The following PTPRT variants were observed in gnomAD, a reference collection of about 807,000 sequenced individuals.
The protein encoded by PTPRT is protein tyrosine phosphatase receptor type T, also known as receptor-type tyrosine-protein phosphatase T.
PTPRT carries 56 observed loss-of-function variants against 176.8 expected under a neutral mutation model. The observed-to-expected ratio is 0.32, with a 90% CI of 0.26 to 0.40. The LOEUF (loss-of-function observed/expected upper bound fraction) is 0.40, where lower values mean the gene tolerates loss of function less well. Among genes scored for constraint, PTPRT ranks in the 10% least tolerant of loss-of-function variants. The probability of loss-of-function intolerance (pLI) is 1.00; values close to 1 mark genes in which losing one functional copy is unlikely to be tolerated. For missense variants in PTPRT, 1,540 were observed against 1,908.2 expected (o/e 0.81, Z 3.60); for synonymous variants, 783 against 739.0 (o/e 1.06, Z -0.96).
At chr20:43,006,091 T>C (rs1223290599) in intron 1 of PTPRT, among the ~76,000 whole-genome samples, 1 of 152,208 alleles carries the variant, frequency 6.6e-6, no homozygotes, top group Non-Finnish European at 1.5e-5. Flanking sequence ...GAAGCATATA[T>C]TACAAAATGA....
chr20:42,239,023 A>G (rs1407855878), intron 14 of PTPRT, among the ~76,000 whole-genome samples: 1 of 152,226 alleles, frequency 6.6e-6, no homozygotes. Context: ...TGTAAATTCC[A>G]TTAATCTAAA....
intron 6 of PTPRT, among the ~76,000 whole-genome samples, chr20:42,748,212 C>T (rs1414476441): frequency 6.6e-6 from 1 of 152,138 alleles, no homozygotes; most frequent in Non-Finnish European, 1.5e-5. Flanking sequence ...GAAAGTCTGC[C>T]AACCTTGTCG....
intron 7 of PTPRT, among the ~76,000 whole-genome samples, chr20:42,587,373 G>A (rs894473959): frequency 1.1e-4 from 17 of 152,228 alleles, no homozygotes; most frequent in African/African-American, 3.9e-4. Context: ...CGAAAGGTAT[G>A]AGCCCTTTAT....
At chr20:42,798,642 C>CA (rs199727863) in intron 2 of PTPRT, among the ~76,000 whole-genome samples, 18 of 151,420 alleles carry the variant, frequency 1.2e-4, no homozygotes, top group African/African-American at 3.6e-4. Context: ...CTATTTAAAA[C>CA]AAAAAAAAGA....
chr20:42,900,784 T>A (rs866435461), intron 1 of PTPRT, among the ~76,000 whole-genome samples: 3 of 152,252 alleles, frequency 2.0e-5, no homozygotes, highest in African/African-American at 2.4e-5. Context: ...AAACCCCTCG[T>A]GGCCTTTGGA....
At chr20:42,743,768 T>C (rs1320336448) in intron 6 of PTPRT, among the ~76,000 whole-genome samples, 1 of 152,224 alleles carries the variant, frequency 6.6e-6, no homozygotes, top group Non-Finnish European at 1.5e-5. Context: ...ATACTGAACC[T>C]CATCGATTAC....
intron 9 of PTPRT, among the ~76,000 whole-genome samples, chr20:42,414,403 G>A (rs2059045889): frequency 6.6e-6 from 1 of 152,156 alleles, no homozygotes; most frequent in Non-Finnish European, 1.5e-5. Context: ...CCAGATATAA[G>A]TGCCAAAGCA....
At chr20:42,238,743 G>C (rs2056294061) in intron 14 of PTPRT, among the ~76,000 whole-genome samples, 1 of 152,142 alleles carries the variant, frequency 6.6e-6, no homozygotes, top group South Asian at 2.1e-4. Flanking sequence ...TCTATTTCCT[G>C]ATCCATGCAC....
At chr20:42,901,893 G>T (rs1450792357) in intron 1 of PTPRT, among the ~76,000 whole-genome samples, 1 of 152,206 alleles carries the variant, frequency 6.6e-6, no homozygotes, top group Non-Finnish European at 1.5e-5. Flanking sequence ...TTGAAACACA[G>T]CCATGTTTAT....
intron 14 of PTPRT, among the ~76,000 whole-genome samples, chr20:42,240,468 C>T (rs890024587): frequency 2.0e-5 from 3 of 152,192 alleles, no homozygotes; most frequent in African/African-American, 7.2e-5. Context: ...CAAAACAAAA[C>T]AATAACCCCA....
chr20:42,942,379 C>A (rs921427187), intron 1 of PTPRT, among the ~76,000 whole-genome samples: 4 of 152,214 alleles, frequency 2.6e-5, no homozygotes, highest in Non-Finnish European at 4.4e-5. Flanking sequence ...TATTTCTAGA[C>A]AGGATATGCA....
intron 6 of PTPRT, among the ~76,000 whole-genome samples, chr20:42,686,641 C>T (rs553523413): frequency 5.9e-5 from 9 of 151,858 alleles, no homozygotes; most frequent in East Asian, 1.9e-4. Flanking sequence ...TACAGGCATG[C>T]GCCACCATGC....
chr20:42,262,069 C>T (rs561778272), intron 13 of PTPRT, among the ~76,000 whole-genome samples: 32 of 152,252 alleles, frequency 2.1e-4, no homozygotes, highest in Non-Finnish European at 4.1e-4. Flanking sequence ...ACCCGTGCAA[C>T]GGTAATAAAA....
At chr20:43,041,220 C>G (rs1986592745) in intron 1 of PTPRT, among the ~76,000 whole-genome samples, 1 of 152,226 alleles carries the variant, frequency 6.6e-6, no homozygotes, top group Non-Finnish European at 1.5e-5. Flanking sequence ...GGGATCTGAA[C>G]TCAGATCTTT....
chr20:42,583,539 C>T (rs1166870248), intron 7 of PTPRT, among the ~76,000 whole-genome samples: 1 of 152,122 alleles, frequency 6.6e-6, no homozygotes, highest in Admixed American at 6.5e-5. Flanking sequence ...ACTGACCTTC[C>T]AGTGCCTACA....
At chr20:42,577,933 G>C (rs1476669121) in intron 7 of PTPRT, among the ~76,000 whole-genome samples, 3 of 140,872 alleles carry the variant, frequency 2.1e-5, no homozygotes, top group Non-Finnish European at 4.6e-5. Context: ...CTGTGTGTGT[G>C]TGTGTGTGTG....
intron 7 of PTPRT, among the ~76,000 whole-genome samples, chr20:42,594,190 G>T (rs971481947): frequency 6.6e-6 from 1 of 152,160 alleles, no homozygotes; most frequent in Non-Finnish European, 1.5e-5. Context: ...AGGGGATTAA[G>T]AACAAGGAGT....
intron 1 of PTPRT, among the ~76,000 whole-genome samples, chr20:43,012,465 A>T (rs1985177767): frequency 6.6e-6 from 1 of 152,194 alleles, no homozygotes; most frequent in Admixed American, 6.5e-5. Context: ...GGGCACAGAG[A>T]TTCAGCTTCA....
intron 2 of PTPRT, among the ~76,000 whole-genome samples, chr20:42,831,532 A>T (rs1260659293): frequency 6.6e-6 from 1 of 152,228 alleles, no homozygotes; most frequent in Non-Finnish European, 1.5e-5. Context: ...GAGAAATGGG[A>T]TCTAATTAAA....
Sources: gnomAD v4.1 joint callset for allele counts (sites outside exome capture counted in the v4.1 genomes callset) on GRCh38, gnomAD v4.1.1 for gene constraint, MANE v1.5 for transcripts, NCBI Gene and HGNC (gene_info 2026-07-23, HGNC 2026-07-21) for gene names.